COG2: variants seen among roughly 807,000 people sequenced by gnomAD.
The protein encoded by COG2 is conserved oligomeric Golgi complex subunit 2.
In COG2, 52 loss-of-function variants were observed where a neutral mutation model predicts 90.6. The ratio of observed to expected loss-of-function variants is 0.57; its 90% CI spans 0.46 to 0.72. The LOEUF is 0.72. Ranked by LOEUF, COG2 falls within the 30% of genes least tolerant of loss-of-function variation. The pLI is 0.00. For synonymous variants in COG2, 337 were observed against 320.4 expected (o/e 1.05, Z -0.55); for missense variants, 829 against 891.2 (o/e 0.93, Z 0.89).
chr1:230,643,336 C>T (rs946136764), intron 1 of COG2, among the ~76,000 whole-genome samples: 3 of 152,220 alleles, frequency 2.0e-5, no homozygotes, highest in Non-Finnish European at 4.4e-5. Context: ...GTTCATCAGG[C>T]ACAGCCTTGA....
At chr1:230,671,440 T>C in intron 7 of COG2, 76 bp from the exon 8 acceptor site, 1 of 1,367,846 alleles carries the variant, frequency 7.3e-7, no homozygotes. Context: ...AAGTTTTCTT[T>C]ATTGTTTTCT....
At chr1:230,681,674 T>G (rs915021022) in intron 10 of COG2, 2 of 152,230 alleles carry the variant, frequency 1.3e-5, no homozygotes, top group East Asian at 3.8e-4. Context: ...GAGAGTAGAA[T>G]GACATTCGAT....
At chr1:230,692,601 A>T (rs1663058525) in intron 17 of COG2, among the ~76,000 whole-genome samples, 1 of 152,170 alleles carries the variant, frequency 6.6e-6, no homozygotes. Context: ...GAAGGAAGGA[A>T]GGAGAGTGGG....
chr1:230,653,279 G>T (rs1296586067), intron 1 of COG2, among the ~76,000 whole-genome samples: 4 of 149,350 alleles, frequency 2.7e-5, no homozygotes, highest in Middle Eastern at 3.4e-3. Context: ...GGAGTGCAGT[G>T]GCACCATCTT....
At chr1:230,661,749 ATAAT>A (rs1373594238) in intron 3 of COG2, among the ~76,000 whole-genome samples, 14 of 152,366 alleles carry the variant, frequency 9.2e-5, no homozygotes, top group Non-Finnish European at 5.9e-5. Flanking sequence ...CAGGCAAGAA[ATAAT>A]TCTTAAAAGA....
chr1:230,662,312 T>C (rs1016440872), intron 3 of COG2, among the ~76,000 whole-genome samples: 1 of 152,230 alleles, frequency 6.6e-6, no homozygotes, highest in Non-Finnish European at 1.5e-5. Flanking sequence ...TGAGACTATT[T>C]CTATCTTGTT....
In COG2 at chr1:230,664,469, A is replaced by T. The variant is rs1355932983; in HGVS notation, c.382-15A>T. ...AAACATGACAATAACTTTTTTCCTT[A>T]ATTTTTATTTATAGATGTGTGTATT... is the stretch of plus-strand genomic sequence containing the variant. On this transcript the variant is annotated splice_polypyrimidine_tract_variant and intron_variant, in intron 4 of 17. Transcript: ENST00000366669. 3 of 1,176,868 alleles carry T rather than the reference A, an allele frequency of 2.5e-6. No individual in the cohort carries two copies. Among genetic ancestry groups the T allele is most frequent in the Non-Finnish European group, 2.4e-6 (2 of 836,286 alleles). The allele number at this position is 1,176,868 out of a possible 1,614,324, so 72.9% of individuals were successfully genotyped here.
At chr1:230,674,349 C>G (rs1417820082) in intron 8 of COG2, among the ~76,000 whole-genome samples, 1 of 152,188 alleles carries the variant, frequency 6.6e-6, no homozygotes, top group Non-Finnish European at 1.5e-5. Flanking sequence ...CTCCAAAGCG[C>G]ATGCTTTCTG....
rs2102774378 is a variant in COG2, at chr1:230,688,555, C to T, written c.1787C>T (p.Thr596Ile). ...ALEVPRLYRRTNKEVPTTASS... is the reference protein window; with the variant it reads ...ALEVPRLYRRINKEVPTTASS... ...GAGGTTCCCAGGCTTTACCGAAGAA[C>T]CAATAAGGTCAGCGCCATTTATGGG... The change falls in exon 15 of 18, where the codon ACC (threonine) becomes ATC (isoleucine). Residue 596 changes from threonine (T) to isoleucine (I), a missense_variant. Physicochemically the swap from Thr to Ile is moderately conservative, Grantham distance 89. Coordinates refer to ENST00000366669, the MANE Select transcript of COG2 (RefSeq NM_007357.3). The T allele has an allele frequency of 6.2e-7, 1 of 1,613,838 alleles. No homozygotes were observed. Among genetic ancestry groups the T allele is most frequent in the South Asian group, 1.1e-5 (1 of 91,056 alleles).
At chr1:230,681,651 C>G (rs140338707) in intron 10 of COG2, 36 of 152,382 alleles carry the variant, frequency 2.4e-4, no homozygotes, top group African/African-American at 7.5e-4. Flanking sequence ...GCCCTTCTTA[C>G]ATGGATCCTG....
chr1:230,667,048 T>C (rs953425128), intron 5 of COG2, among the ~76,000 whole-genome samples: 2 of 152,154 alleles, frequency 1.3e-5, no homozygotes, highest in Admixed American at 1.3e-4. Flanking sequence ...ATGCTCCATC[T>C]CCATGCATTC....
chr1:230,678,519 C>T (rs1662654006), intron 9 of COG2: 5 of 985,352 alleles, frequency 5.1e-6, no homozygotes, highest in Non-Finnish European at 4.8e-6. Flanking sequence ...TCTCTTCTCT[C>T]TCTTTCTTCT....
chr1:230,689,981 G>A lies in COG2; in HGVS notation c.1795-33G>A, dbSNP rs750652168. The A allele has an allele frequency of 3.9e-6, 6 of 1,534,194 alleles. No individual in the cohort carries two copies. Among genetic ancestry groups the A allele is most frequent in the African/African-American group, 2.8e-5 (2 of 71,070 alleles). ...ACTGTTTCTTTTCTGTTTTTTTCCT[G>A]TGCATCTTTATCTCCTACCATCATC... On this transcript the variant is annotated intron_variant, in intron 15 of 17. Coordinates refer to ENST00000366669, the MANE Select transcript of COG2 (RefSeq NM_007357.3).
intron 9 of COG2, chr1:230,678,370 GAC>G (rs1662650283): frequency 2.0e-6 from 2 of 985,308 alleles, no homozygotes; most frequent in Non-Finnish European, 2.4e-6. Context: ...AATTAAATAA[GAC>G]AATTCTAATC....
chr1:230,677,919 A>G (rs2102765047), intron 9 of COG2: 1 of 556,656 alleles, frequency 1.8e-6, no homozygotes, highest in East Asian at 1.5e-4. Flanking sequence ...CCCAAAAGGG[A>G]AGAATAATCC....
chr1:230,671,685 A>G, intron 8 of COG2, 45 bp downstream of exon 8: 1 of 1,593,382 alleles, frequency 6.3e-7, no homozygotes, highest in Non-Finnish European at 8.6e-7. Context: ...CCTTTCAGTG[A>G]CCGCACCTGC....
At chr1:230,678,573 C>G in intron 9 of COG2, 1 of 1,209,220 alleles carries the variant, frequency 8.3e-7, no homozygotes, top group Middle Eastern at 2.3e-4. Flanking sequence ...CAATGACGAA[C>G]TATGTCATTT....
intron 16 of COG2, among the ~76,000 whole-genome samples, 166 bp from the exon 17 acceptor site, chr1:230,691,218 T>C (rs1043982624): frequency 1.3e-5 from 2 of 152,086 alleles, no homozygotes; most frequent in African/African-American, 4.8e-5. Flanking sequence ...TACACATATA[T>C]ATATAAAATG....
intron 11 of COG2, 79 bp downstream of exon 11, chr1:230,683,714 T>G: frequency 1.1e-6 from 1 of 924,714 alleles, no homozygotes. Flanking sequence ...GATTGCAGTA[T>G]TCTGAGCGTA....
Sources: gnomAD v4.1 joint callset for allele counts (sites outside exome capture counted in the v4.1 genomes callset) on GRCh38, gnomAD v4.1.1 for gene constraint, MANE v1.5 for transcripts, NCBI Gene and HGNC (gene_info 2026-07-23, HGNC 2026-07-21) for gene names.